The following ABTB2 variants were observed in gnomAD, a reference collection of about 807,000 sequenced individuals.
ABTB2 encodes ankyrin repeat and BTB/POZ domain-containing protein 2.
Under a neutral mutation model 104.1 loss-of-function variants are expected in ABTB2, and 56 were observed. The observed-to-expected ratio is 0.54, with a 90% confidence interval of 0.43 to 0.67. ABTB2 has a LOEUF of 0.67. Among genes scored for constraint, ABTB2 ranks in the 30% least tolerant of loss-of-function variants. ABTB2 has a pLI of 0.00. For synonymous variants in ABTB2, 606 were observed against 608.2 expected, an observed-to-expected ratio of 1.00 and a Z score of 0.05; for missense variants, 1,279 against 1,407.7, an observed-to-expected ratio of 0.91 and a Z score of 1.46.
At chr11:34,351,596 T>TG (rs35998612) in intron 1 of ABTB2, among the ~76,000 whole-genome samples, 23,899 of 152,080 alleles carry the variant, frequency 0.16, 3,277 homozygotes, top group African/African-American at 0.36. Context: ...TTGGTAGAAA[T>TG]GGGGACGGTT....
intron 1 of ABTB2, among the ~76,000 whole-genome samples, chr11:34,321,988 AAG>A (rs1191085617): frequency 6.6e-6 from 1 of 152,222 alleles, no homozygotes; most frequent in Non-Finnish European, 1.5e-5. Context: ...CTGACACCGA[AAG>A]AGCCACAGTT....
chr11:34,182,497 T>TGGGC (rs1554981445), intron 3 of ABTB2, among the ~76,000 whole-genome samples: 1 of 69,900 alleles, frequency 1.4e-5, no homozygotes, highest in Non-Finnish European at 2.9e-5. Flanking sequence ...TTGGGTTCTC[T>TGGGC]GGGGGGGGGG....
At chr11:34,185,980 A>G (rs1487863952) in intron 3 of ABTB2, among the ~76,000 whole-genome samples, 1 of 152,260 alleles carries the variant, frequency 6.6e-6, no homozygotes, top group Non-Finnish European at 1.5e-5. Flanking sequence ...AACAACAACA[A>G]AACCCCCCAA....
chr11:34,348,473 G>A (rs1342069321), intron 1 of ABTB2, among the ~76,000 whole-genome samples: 1 of 151,972 alleles, frequency 6.6e-6, no homozygotes, highest in African/African-American at 2.4e-5. Context: ...ATATGCGTTG[G>A]CTTCCAGGTC....
chr11:34,326,015 T>TAAAATAA (rs869278215), intron 1 of ABTB2, among the ~76,000 whole-genome samples: 158 of 142,888 alleles, frequency 1.1e-3, no homozygotes, highest in African/African-American at 3.9e-3. Context: ...TAAAATAAAA[T>TAAAATAA]AAAGAAAAAG....
chr11:34,269,135 A>C (rs1316921894), intron 1 of ABTB2, among the ~76,000 whole-genome samples: 1 of 152,154 alleles, frequency 6.6e-6, no homozygotes, highest in Non-Finnish European at 1.5e-5. Flanking sequence ...AACACGATGG[A>C]GAAATGCCCA....
chr11:34,194,938 C>T (rs758915458), intron 3 of ABTB2, among the ~76,000 whole-genome samples: 11 of 152,186 alleles, frequency 7.2e-5, no homozygotes, highest in Non-Finnish European at 1.5e-4. Flanking sequence ...GTGTCTACTA[C>T]CATGCAAGCT....
At chr11:34,272,301 G>T in intron 1 of ABTB2, among the ~76,000 whole-genome samples, 1 of 86,120 alleles carries the variant, frequency 1.2e-5, no homozygotes, top group African/African-American at 9.6e-5. Context: ...ACAGGAAGCT[G>T]CAAAAAAAAA....
At chr11:34,213,099 T>C (rs1333590383) in intron 1 of ABTB2, among the ~76,000 whole-genome samples, 1 of 152,074 alleles carries the variant, frequency 6.6e-6, no homozygotes, top group Non-Finnish European at 1.5e-5. Context: ...GGGGACTGCC[T>C]CTCTCCCATC....
chr11:34,205,889 A>G (rs1280547277), intron 1 of ABTB2, among the ~76,000 whole-genome samples: 1 of 152,190 alleles, frequency 6.6e-6, no homozygotes, highest in African/African-American at 2.4e-5. Flanking sequence ...TGTTAACTAG[A>G]GATAACTAGA....
chr11:34,331,569 T>G (rs992213489), intron 1 of ABTB2, among the ~76,000 whole-genome samples: 6 of 152,210 alleles, frequency 3.9e-5, no homozygotes, highest in Non-Finnish European at 7.3e-5. Context: ...ACTGGCCACG[T>G]GAGGGATGCC....
chr11:34,293,318 T>C lies in ABTB2; in HGVS notation c.883+63383A>G, dbSNP rs529399191. On this transcript the variant is annotated intron_variant, in intron 1 of 16. Transcript: ENST00000435224. ...GGGACACGAGGAGGCTGGAGGAGAG[T>C]TGGGGCTGAGGGCAGCGTCCTGGCT... 5.3e-5 allele frequency among the ~76,000 whole-genome samples: 8 copies of C among 151,458 alleles called. 1 individual carries two copies. In the South Asian group the frequency reaches 1.7e-3, roughly 32 times the overall value.
rs985412766 is a variant in ABTB2, at chr11:34,174,218, T to G, written c.1245-911A>C. 4.0e-5 allele frequency among the ~76,000 whole-genome samples: 6 copies of G among 150,190 alleles called. No individual in the cohort carries two copies. The East Asian group carries it at 1.2e-3, about 29-fold the overall frequency. ...CGGGCGCCTGTAGTCCCAGCTACTCTGGAGGCTGAGGCAGGAGAATGGCGT... is the reference window on the plus strand; with the variant it reads ...CGGGCGCCTGTAGTCCCAGCTACTCGGGAGGCTGAGGCAGGAGAATGGCGT... On this transcript the variant is annotated intron_variant, in intron 3 of 16. Transcript: ENST00000435224.
At chr11:34,345,838 G>A (rs577778795) in intron 1 of ABTB2, among the ~76,000 whole-genome samples, 1 of 152,256 alleles carries the variant, frequency 6.6e-6, no homozygotes, top group Admixed American at 6.5e-5. Flanking sequence ...AAACAACCAG[G>A]TCCCTGGCTT....
intron 1 of ABTB2, among the ~76,000 whole-genome samples, chr11:34,247,728 T>C (rs116933423): frequency 6.6e-5 from 10 of 152,344 alleles, no homozygotes; most frequent in African/African-American, 1.7e-4. Flanking sequence ...ATTATAGCAA[T>C]AGCTGATACA....
At chr11:34,340,979 G>A (rs1364291747) in intron 1 of ABTB2, among the ~76,000 whole-genome samples, 2 of 152,208 alleles carry the variant, frequency 1.3e-5, no homozygotes, top group African/African-American at 2.4e-5. Flanking sequence ...AGTAGGAACA[G>A]TGGCAGTGAT....
At chr11:34,321,481 T>C (rs1427486377) in intron 1 of ABTB2, among the ~76,000 whole-genome samples, 1 of 152,250 alleles carries the variant, frequency 6.6e-6, no homozygotes, top group East Asian at 1.9e-4. Context: ...TATTGCTTTA[T>C]CCAGAAAGAT....
chr11:34,261,353 C>T (rs763335606), intron 1 of ABTB2, among the ~76,000 whole-genome samples: 3 of 152,166 alleles, frequency 2.0e-5, no homozygotes, highest in Non-Finnish European at 4.4e-5. Context: ...TGGACACATC[C>T]TTGCTTGACA....
rs1252041056 is a variant in ABTB2, at chr11:34,342,896, CATCTT to C, written c.883+13800_883+13804del. ...CTTCATTTACCAGTGGGGCAAATAA[CATCTT>C]ATGGTGTCACTCCCATTTCATTTAT... On this transcript the variant is annotated intron_variant, in intron 1 of 16. Coordinates refer to ENST00000435224, the MANE Select transcript of ABTB2 (RefSeq NM_145804.3). 3.0e-4 allele frequency among the ~76,000 whole-genome samples: 46 copies of C among 152,230 alleles called. 1 individual carries two copies. Among genetic ancestry groups the C allele is most frequent in the African/African-American group, 9.6e-4 (40 of 41,542 alleles).
Sources: allele counts gnomAD v4.1 joint callset (sites outside exome capture counted in the v4.1 genomes callset), GRCh38; gene constraint gnomAD v4.1.1; transcripts MANE v1.5; gene names NCBI Gene and HGNC (gene_info 2026-07-23, HGNC 2026-07-21).